Variants in KIF3B observed in about 807,000 individuals in gnomAD.
KIF3B encodes the protein kinesin family member 3B.
A neutral mutation model predicts 74.3 loss-of-function variants in KIF3B; 38 were observed. The observed-to-expected ratio is 0.51, with a 90% CI of 0.39 to 0.67. KIF3B has a LOEUF of 0.67. KIF3B is among the 30% of genes least tolerant of loss of function. The pLI, the probability that KIF3B is intolerant of heterozygous loss-of-function variation, is 0.00. For synonymous variants in KIF3B, 326 were observed against 342.5 expected, an observed-to-expected ratio of 0.95 and a Z score of 0.53; for missense variants, 649 against 932.0, an observed-to-expected ratio of 0.70 and a Z score of 3.95.
chr20:32,284,174 A>G (rs1193220145), intron 1 of KIF3B, among the ~76,000 whole-genome samples: 1 of 152,014 alleles, frequency 6.6e-6, no homozygotes, highest in African/African-American at 2.4e-5. Context: ...CCTGGCTTCA[A>G]GCAATCTTCC....
chr20:32,295,224 G>T (rs920881308), intron 1 of KIF3B, among the ~76,000 whole-genome samples: 4 of 151,970 alleles, frequency 2.6e-5, no homozygotes, highest in Non-Finnish European at 5.9e-5. Context: ...TTTCTGTAAG[G>T]GACATTTTGA....
chr20:32,307,352 G>T (rs1241651168), intron 1 of KIF3B, among the ~76,000 whole-genome samples: 1 of 152,098 alleles, frequency 6.6e-6, no homozygotes, highest in Admixed American at 6.6e-5. Context: ...CTTGGTATAG[G>T]ATTACATTTA....
intron 5 of KIF3B, among the ~76,000 whole-genome samples, chr20:32,318,266 T>C (rs2047838394): frequency 6.6e-6 from 1 of 150,524 alleles, no homozygotes; most frequent in Non-Finnish European, 1.5e-5. Flanking sequence ...CACACCACTT[T>C]ACTCAAGCCT....
chr20:32,300,039 G>A (rs941671479), intron 1 of KIF3B, among the ~76,000 whole-genome samples: 1 of 152,012 alleles, frequency 6.6e-6, no homozygotes, highest in Admixed American at 6.6e-5. Context: ...TCCTCCCAAA[G>A]TACTGGGGTT....
rs1320712371 is a variant in KIF3B at position 32,311,085 on chromosome 20, A to G, written c.1308A>G (p.Ala436=). 1 of 1,613,796 alleles carries G rather than the reference A, an allele frequency of 6.2e-7. No homozygotes were observed. The highest frequency in any genetic ancestry group is 1.3e-5 in the African/African-American group (1 of 74,894). The change falls in exon 2 of 9, where the codon GCA becomes GCG. Residue 436 remains alanine, a synonymous_variant. Coordinates refer to ENST00000375712, the MANE Select transcript of KIF3B (RefSeq NM_004798.4). ...TTGTAGAGGATCACAGCTTGGTTGC[A>G]GAGGAGAAGATGAGGCTGCTGAAGG... The part of the protein sequence containing the change: ...RAIVEDHSLV[A]EEKMRLLKEK...
In KIF3B at chr20:32,331,515, C is replaced by A; in HGVS notation, c.*196C>A. ...TCTGGCACTCAGCCCCTCTGGGAAA[C>A]ATCTTTTAATTAGCATCTCAGAAAT... is the stretch of plus-strand genomic sequence containing the variant. On this transcript the variant is annotated 3_prime_UTR_variant, in exon 9 of 9. Transcript: ENST00000375712. 1.8e-6 allele frequency: 1 copy of A among 555,068 alleles called. No homozygotes were observed. Among genetic ancestry groups the A allele is most frequent in the Non-Finnish European group, 3.1e-6 (1 of 319,786 alleles). The allele number at this position is 555,068 out of a possible 1,614,324, so 34.4% of individuals were successfully genotyped here. A position where few individuals can be genotyped will look rare whatever the true frequency, so the allele number is the denominator to read the frequency against.
chr20:32,283,667 G>A (rs2047654648), intron 1 of KIF3B, among the ~76,000 whole-genome samples: 1 of 151,842 alleles, frequency 6.6e-6, no homozygotes, highest in African/African-American at 2.4e-5. Context: ...AAAATTAGTC[G>A]GGTGTGGTGG....
intron 1 of KIF3B, among the ~76,000 whole-genome samples, chr20:32,292,411 C>T (rs1244148591): frequency 6.6e-6 from 1 of 151,626 alleles, no homozygotes; most frequent in Non-Finnish European, 1.5e-5. Context: ...GCCTGTGCAA[C>T]AAAGCAAGAC....
intron 7 of KIF3B, among the ~76,000 whole-genome samples, chr20:32,328,145 C>T (rs760690832): frequency 1.3e-5 from 2 of 151,770 alleles, no homozygotes; most frequent in Admixed American, 6.6e-5. Flanking sequence ...ACTAATAGGC[C>T]GGGCGCAGTG....
At chr20:32,311,264 A>G (rs1441904857) in intron 2 of KIF3B, 83 bp downstream of exon 2, 1 of 1,381,762 alleles carries the variant, frequency 7.2e-7, no homozygotes, top group Non-Finnish European at 9.6e-7. Context: ...ACATAACCAT[A>G]TGAGGGATGA....
intron 1 of KIF3B, among the ~76,000 whole-genome samples, chr20:32,292,583 G>GA (rs71185398): frequency 0.065 from 4,670 of 71,832 alleles, 113 homozygotes; most frequent in Non-Finnish European, 0.091. Context: ...ACTAAAAATA[G>GA]AAAAAAAAAA....
chr20:32,281,576 G>A (rs991198861), intron 1 of KIF3B, among the ~76,000 whole-genome samples: 4 of 152,198 alleles, frequency 2.6e-5, no homozygotes, highest in Non-Finnish European at 4.4e-5. Flanking sequence ...ACTTAGCTGG[G>A]TGTGGTGGCA....
intron 6 of KIF3B, 71 bp from the exon 7 acceptor site, chr20:32,327,485 C>T: frequency 8.0e-7 from 1 of 1,247,906 alleles, no homozygotes; most frequent in African/African-American, 1.5e-5. Context: ...GCTTCAGGTT[C>T]TGTCAGTGTC....
chr20:32,309,916 A>G lies in KIF3B; in HGVS notation c.139A>G (p.Lys47Glu), dbSNP rs758697635. Reference protein sequence around the residue: ...KLGQVSVKNPKGTAHEMPKTF... With the variant: ...KLGQVSVKNPEGTAHEMPKTF... ...GGGGCAGGTGTCTGTGAAGAACCCC[A>G]AAGGGACGGCCCATGAAATGCCCAA... Residue 47 changes from lysine to glutamate, a missense_variant, in exon 2 of 9, where the codon AAA (lysine) becomes GAA (glutamate). By Grantham distance (56) the Lys-to-Glu change is moderately conservative. Around this residue, in one of 4 missense-constraint regions of KIF3B, gnomAD observed 96 missense variants for 119.0 expected, o/e 0.81. Transcript: ENST00000375712. The G allele has an allele frequency of 6.2e-7, 1 of 1,614,148 alleles. No homozygotes were observed. Among genetic ancestry groups the G allele is most frequent in the Admixed American group, 1.7e-5 (1 of 60,014 alleles).
chr20:32,333,650 A>AC lies in KIF3B; in HGVS notation c.*2331_*2332insC, dbSNP rs2047941686. Reference sequence around the variant, plus strand: ...TCCCCCTCAAAAAAAAAAAAAAAAAAAAAAAAAACAGAAAGAAAGAAAAAG... The same window carrying AC: ...TCCCCCTCAAAAAAAAAAAAAAAAAACAAAAAAAACAGAAAGAAAGAAAAAG... On this transcript the variant is annotated 3_prime_UTR_variant, in exon 9 of 9. Transcript: ENST00000375712. 6.6e-6 allele frequency: 1 copy of AC among 151,350 alleles called. No individual in the cohort carries two copies. The highest frequency in any genetic ancestry group is 1.5e-5 in the Non-Finnish European group (1 of 68,128). The allele number at this position is 151,350 out of a possible 1,614,324, so 9.4% of individuals were successfully genotyped here.
chr20:32,300,311 T>C (rs1002196121), intron 1 of KIF3B, among the ~76,000 whole-genome samples: 1 of 152,010 alleles, frequency 6.6e-6, no homozygotes. Context: ...AGAGTCTCTC[T>C]CTGTCGCCCG....
intron 5 of KIF3B, among the ~76,000 whole-genome samples, chr20:32,323,078 TTA>T (rs1479960433): frequency 6.0e-5 from 6 of 99,896 alleles, no homozygotes; most frequent in African/African-American, 1.4e-4. Flanking sequence ...ATTTATATAT[TTA>T]TATATATTTA....
In KIF3B at chr20:32,311,042, A is replaced by G; in HGVS notation, c.1265A>G (p.Glu422Gly). 1 of 1,613,368 alleles carries G rather than the reference A, an allele frequency of 6.2e-7. No individual in the cohort carries two copies. ...TGGCGGGAACAGCAAGAAAAACTGG[A>G]GATTGAGAAGCGGGCCATTGTAGAG... ...DYWREQQEKL[E>G]IEKRAIVEDH... The change falls in exon 2 of 9, where the codon GAG becomes GGG. Residue 422 changes from glutamate (E) to glycine (G), a missense_variant. Glu to Gly is a moderately conservative substitution (Grantham distance 98). Around this residue, in one of 4 missense-constraint regions of KIF3B, gnomAD observed 363 missense variants for 592.8 expected, o/e 0.61. Transcript: ENST00000375712.
intron 1 of KIF3B, among the ~76,000 whole-genome samples, chr20:32,304,443 A>G (rs1352232650): frequency 6.6e-6 from 1 of 152,196 alleles, no homozygotes; most frequent in Non-Finnish European, 1.5e-5. Flanking sequence ...CAGCAATTCC[A>G]CTTCTAGGAA....
Sources: gnomAD v4.1 joint callset for allele counts (sites outside exome capture counted in the v4.1 genomes callset) on GRCh38, gnomAD v4.1.1 for gene constraint, gnomAD v4.1.1 regional missense constraint, MANE v1.5 for transcripts, NCBI Gene and HGNC (gene_info 2026-07-23, HGNC 2026-07-21) for gene names.